KIF17: variants seen among roughly 807,000 people sequenced by gnomAD.
KIF17 encodes kinesin family member 17, also known as kinesin-like protein KIF17.
In KIF17, 80 loss-of-function variants were observed where a neutral mutation model predicts 96.8. That is an observed-to-expected ratio of 0.83 (90% confidence interval 0.69 to 1.00). KIF17 has a LOEUF of 1.00. Among genes scored for constraint, KIF17 ranks in the 50% least tolerant of loss-of-function variants. KIF17 has a pLI of 0.00. For synonymous variants in KIF17, 567 were observed against 587.5 expected (o/e 0.97, Z 0.51); for missense variants, 1,280 against 1,372.9 (o/e 0.93, Z 1.07).
rs1477802257 is a variant in KIF17 at position 20,700,489 on chromosome 1, G to A, written c.1124-2001C>T. On this transcript the variant is annotated intron_variant, in intron 5 of 14. Transcript: ENST00000400463. The surrounding 1 kb of genome is among the most constrained non-coding windows in gnomAD (Gnocchi z 4.6). ...AGTGTCTGGTTTGAACACCTGAGTT[G>A]CCTCTGTCAGCTGTTGGGGGGAGCT... Among the ~76,000 whole-genome samples the A allele has an allele frequency of 6.6e-6, 1 of 152,214 alleles. No homozygotes were observed. The highest frequency in any genetic ancestry group is 1.5e-5 in the Non-Finnish European group (1 of 68,030).
intron 13 of KIF17, among the ~76,000 whole-genome samples, chr1:20,669,158 G>A (rs779254665): frequency 7.2e-5 from 11 of 152,088 alleles, no homozygotes; most frequent in Non-Finnish European, 1.3e-4. Flanking sequence ...GTGGACTCCC[G>A]CTGGTGCCCT....
chr1:20,683,645 G>A (rs532730767), intron 10 of KIF17, among the ~76,000 whole-genome samples: 14 of 151,834 alleles, frequency 9.2e-5, no homozygotes, highest in South Asian at 2.1e-4. Flanking sequence ...ACAGAGCAAG[G>A]CTTCATCTCA....
chr1:20,712,916 A>AT (rs1557607241), intron 3 of KIF17, among the ~76,000 whole-genome samples: 1,112 of 71,972 alleles, frequency 0.015, 42 homozygotes, highest in African/African-American at 0.058. Context: ...TTATATATAT[A>AT]ATATATCTAT....
chr1:20,662,255 A>T (rs2053447214), downstream of KIF17, among the ~76,000 whole-genome samples: 1 of 152,172 alleles, frequency 6.6e-6, no homozygotes, highest in African/African-American at 2.4e-5. Flanking sequence ...CTTCTAGGTT[A>T]ATACAGAGGC....
At chr1:20,665,891 G>A (rs573259251) in intron 14 of KIF17, among the ~76,000 whole-genome samples, 8 of 151,938 alleles carry the variant, frequency 5.3e-5, no homozygotes, top group Admixed American at 1.3e-4. Flanking sequence ...AAGCTGGCGC[G>A]TAACTAGTGA....
chr1:20,712,717 AATTAT>A lies in KIF17; in HGVS notation c.480+732_480+736del, dbSNP rs1191258742. Among the ~76,000 whole-genome samples, 46 of 29,372 alleles carry A rather than the reference AATTAT, an allele frequency of 1.6e-3. 10 individuals are homozygous for A. Among genetic ancestry groups the A allele is most frequent in the African/African-American group, 5.1e-3 (43 of 8,396 alleles). 19.3% of individuals were successfully genotyped at this position (29,372 alleles called of 152,430 possible). A position where few individuals can be genotyped will look rare whatever the true frequency, so the allele number is the denominator to read the frequency against. On this transcript the variant is annotated intron_variant, in intron 3 of 14. Coordinates refer to ENST00000400463, the MANE Select transcript of KIF17 (RefSeq NM_001122819.3). Reference sequence around the variant, plus strand: ...TATAGATAATATTATCTATATATAAAATTATATTATATCTATATATATTATATATA... The same window carrying A: ...TATAGATAATATTATCTATATATAAAATTATATCTATATATATTATATATA...
At position 20,687,619 on chromosome 1, in the gene KIF17, C is replaced by T. The variant is rs2053962546; in HGVS notation, c.1707G>A (p.Glu569=). Residue 569 remains glutamate (E), a synonymous_variant, in exon 8 of 15, where the codon GAG becomes GAA. Coordinates refer to ENST00000400463, the MANE Select transcript of KIF17 (RefSeq NM_001122819.3). The surrounding 1 kb of genome is among the most constrained non-coding windows in gnomAD (Gnocchi z 4.4). ...PSNVEVSMPT[E]ESRSRYFLDE... ...CCAGGAAGTATCTGCTCCTGGACTC[C>T]TCAGTGGGCATGGAGACCTCCACGT... 2 of 1,614,058 alleles carry T rather than the reference C, an allele frequency of 1.2e-6. No individual in the cohort carries two copies. Among genetic ancestry groups the T allele is most frequent in the East Asian group, 2.2e-5 (1 of 44,884 alleles).
At chr1:20,668,309 CAA>C (rs796403922) in intron 13 of KIF17, among the ~76,000 whole-genome samples, 6 of 134,680 alleles carry the variant, frequency 4.5e-5, no homozygotes, top group Non-Finnish European at 3.2e-5. Flanking sequence ...GACTCCGTCT[CAA>C]AAAAAAAAAA....
chr1:20,684,865 C>T lies in KIF17; in HGVS notation c.2175G>A (p.Val725=). ...GCAGCGGGTCATCAGTCAGCACTGC[C>T]ACCTCCATGCCCACGCTCTCCCTCT... ...GVKRESVGME[V]AVLTDDPLPV... Residue 725 remains valine, a synonymous_variant, in exon 10 of 15, where the codon GTG becomes GTA. Coordinates refer to ENST00000400463, the MANE Select transcript of KIF17 (RefSeq NM_001122819.3). 1 of 1,597,846 alleles carries T rather than the reference C, an allele frequency of 6.3e-7. No individual in the cohort carries two copies. The highest frequency in any genetic ancestry group is 8.5e-7 in the Non-Finnish European group (1 of 1,172,394).
At position 20,664,460 on chromosome 1, in the gene KIF17, C is replaced by G; in HGVS notation, c.*124G>C. 2 of 1,589,846 alleles carry G rather than the reference C, an allele frequency of 1.3e-6. No homozygotes were observed. The highest frequency in any genetic ancestry group is 1.7e-6 in the Non-Finnish European group (2 of 1,171,016). On this transcript the variant is annotated 3_prime_UTR_variant, in exon 15 of 15. Coordinates refer to ENST00000400463, the MANE Select transcript of KIF17 (RefSeq NM_001122819.3). ...GGGAAGGGAATGTGTCTTCCCAGGG[C>G]TGAGGGAGCCCTCAGGCCCCGGAGC...
chr1:20,668,387 T>A (rs556220904), intron 13 of KIF17, among the ~76,000 whole-genome samples: 7 of 152,294 alleles, frequency 4.6e-5, no homozygotes, highest in African/African-American at 1.2e-4. Context: ...CTGAAACTGG[T>A]CCACTTACAT....
intron 11 of KIF17, among the ~76,000 whole-genome samples, chr1:20,678,393 A>G (rs557381971): frequency 6.6e-6 from 1 of 152,174 alleles, no homozygotes; most frequent in African/African-American, 2.4e-5. Context: ...ACATACGTAC[A>G]TATTTCCTTA....
At chr1:20,661,798 T>G (rs1280751437), downstream of KIF17, among the ~76,000 whole-genome samples, 1 of 152,194 alleles carries the variant, frequency 6.6e-6, no homozygotes, top group Non-Finnish European at 1.5e-5. Context: ...TCACTGGGCC[T>G]GGGAAGGCTC....
chr1:20,665,431 A>C (rs1570424880), intron 14 of KIF17, among the ~76,000 whole-genome samples: 2 of 116,852 alleles, frequency 1.7e-5, no homozygotes, highest in Non-Finnish European at 3.3e-5. Context: ...ACAGGGTCTC[A>C]CTCTGTCGCC....
intron 13 of KIF17, among the ~76,000 whole-genome samples, chr1:20,670,151 T>G (rs1171208064): frequency 6.6e-6 from 1 of 152,068 alleles, no homozygotes; most frequent in East Asian, 1.9e-4. Context: ...GAGGCTGAAG[T>G]CTCTGTCCTT....
At chr1:20,669,762 A>T (rs1378033330) in intron 13 of KIF17, among the ~76,000 whole-genome samples, 1 of 143,734 alleles carries the variant, frequency 7.0e-6, no homozygotes, top group Admixed American at 7.1e-5. Flanking sequence ...GTCCCAGCTG[A>T]GGCCAAGGCA....
chr1:20,712,270 T>A (rs1483369679), intron 3 of KIF17, among the ~76,000 whole-genome samples: 1 of 151,910 alleles, frequency 6.6e-6, no homozygotes, highest in Non-Finnish European at 1.5e-5. Context: ...GGGGCTGACA[T>A]GTGGGAGCAA....
intron 6 of KIF17, among the ~76,000 whole-genome samples, chr1:20,696,036 C>T (rs1411836469): frequency 6.6e-6 from 1 of 152,130 alleles, no homozygotes; most frequent in Non-Finnish European, 1.5e-5. Flanking sequence ...GCAGGAAATC[C>T]GCTATGATGC....
chr1:20,704,704 T>A lies in KIF17; in HGVS notation c.866A>T (p.Asp289Val), dbSNP rs2054310272. 1 of 1,613,822 alleles carries A rather than the reference T, an allele frequency of 6.2e-7. No individual in the cohort carries two copies. Among genetic ancestry groups the A allele is most frequent in the Admixed American group, 1.7e-5 (1 of 59,996 alleles). ...DGRCKHVPYR[D>V]SKLTRLLQDS... ...CTGCAGCAGCCGCGTCAGCTTCGAG[T>A]CACGGTAGGGGACGTGCTTACAGCG... Residue 289 changes from aspartate (D) to valine (V), a missense_variant, in exon 5 of 15, where the codon GAC (aspartate) becomes GTC (valine). Physicochemically the swap from Asp to Val is radical, Grantham distance 152. Transcript: ENST00000400463. The surrounding 1 kb of genome is among the most constrained non-coding windows in gnomAD (Gnocchi z 6.8).
Sources: allele counts gnomAD v4.1 joint callset (sites outside exome capture counted in the v4.1 genomes callset), GRCh38; gene constraint gnomAD v4.1.1; non-coding constraint Gnocchi (gnomAD v3.1); transcripts MANE v1.5; gene names NCBI Gene and HGNC (gene_info 2026-07-23, HGNC 2026-07-21).